PPP1R36: variants seen among roughly 807,000 people sequenced by gnomAD.
The protein encoded by PPP1R36 is chromosome 14 open reading frame 50.
In PPP1R36, 47 loss-of-function variants were observed where a neutral mutation model predicts 53.4. The ratio of observed to expected loss-of-function variants is 0.88; its 90% CI spans 0.70 to 1.12. The LOEUF is 1.12. PPP1R36 is among the 50% of genes most tolerant of loss of function. PPP1R36 has a pLI of 0.00. For missense variants in PPP1R36, 456 were observed against 513.9 expected (o/e 0.89, Z 1.09); for synonymous variants, 153 against 170.5 (o/e 0.90, Z 0.80).
chr14:64,565,525 A>C (rs1370962680), intron 5 of PPP1R36, 71 bp downstream of exon 5: 17 of 1,415,850 alleles, frequency 1.2e-5, no homozygotes, highest in Non-Finnish European at 1.5e-5. Context: ...ATACATAAAC[A>C]TCCGCCCATC....
At chr14:64,574,084 G>A (rs8003734) in intron 7 of PPP1R36, among the ~76,000 whole-genome samples, 116,551 of 152,092 alleles carry the variant, frequency 0.77, 45,001 homozygotes, top group East Asian at 0.86. Context: ...ATTTCTTTCA[G>A]AATAGTTTAT....
At chr14:64,557,749 C>G (rs1312883459) in intron 3 of PPP1R36, among the ~76,000 whole-genome samples, 1 of 152,148 alleles carries the variant, frequency 6.6e-6, no homozygotes, top group East Asian at 1.9e-4. Flanking sequence ...CAGTGGCTCA[C>G]GCCTGTAATC....
At chr14:64,562,792 T>C (rs2080214882) in intron 3 of PPP1R36, among the ~76,000 whole-genome samples, 1 of 152,128 alleles carries the variant, frequency 6.6e-6, no homozygotes, top group Admixed American at 6.6e-5. Flanking sequence ...GACAGCATTA[T>C]ACTAGATGAT....
chr14:64,585,654 G>A (rs2140251028), intron 8 of PPP1R36, among the ~76,000 whole-genome samples: 1 of 152,288 alleles, frequency 6.6e-6, no homozygotes. Flanking sequence ...GGATTGGGAG[G>A]TGGGAGGATT....
chr14:64,583,162 C>T (rs2080403296), intron 8 of PPP1R36, among the ~76,000 whole-genome samples: 1 of 150,966 alleles, frequency 6.6e-6, no homozygotes, highest in Non-Finnish European at 1.5e-5. Context: ...ATCTGCCTGC[C>T]TTGGCTTTCC....
At chr14:64,560,104 A>C (rs1182683264) in intron 3 of PPP1R36, among the ~76,000 whole-genome samples, 2 of 57,966 alleles carry the variant, frequency 3.5e-5, no homozygotes, top group Non-Finnish European at 8.0e-5. Context: ...AATCTGTCAC[A>C]AAAAAAAAAA....
intron 2 of PPP1R36, 32 bp downstream of exon 2, chr14:64,551,017 T>C: frequency 2.8e-6 from 4 of 1,446,870 alleles, no homozygotes; most frequent in Non-Finnish European, 3.8e-6. Flanking sequence ...TTAGAGTTTT[T>C]ATAAAAATTA....
At chr14:64,575,617 G>A (rs898644253) in intron 8 of PPP1R36, among the ~76,000 whole-genome samples, 7 of 150,730 alleles carry the variant, frequency 4.6e-5, no homozygotes, top group African/African-American at 1.5e-4. Flanking sequence ...GATACATACT[G>A]CTAGATTGTT....
At chr14:64,551,108 A>T in intron 2 of PPP1R36, 123 bp downstream of exon 2, 1 of 645,822 alleles carries the variant, frequency 1.5e-6, no homozygotes, top group Non-Finnish European at 2.6e-6. Flanking sequence ...GGAAGGAAAC[A>T]ATCATTTCAG....
At chr14:64,573,740 C>A (rs922975841) in intron 7 of PPP1R36, among the ~76,000 whole-genome samples, 2 of 151,062 alleles carry the variant, frequency 1.3e-5, no homozygotes, top group African/African-American at 4.9e-5. Context: ...TGGTGAAACC[C>A]TGTCTCTACT....
chr14:64,556,767 TGTGTGTG>T (rs2080157584), intron 3 of PPP1R36, among the ~76,000 whole-genome samples: 1 of 147,886 alleles, frequency 6.8e-6, no homozygotes, highest in Non-Finnish European at 1.5e-5. Context: ...AAAAAATGTG[TGTGTGTG>T]TGTGTGTGTG....
At chr14:64,569,860 T>C (rs2080289549) in intron 7 of PPP1R36, among the ~76,000 whole-genome samples, 1 of 151,676 alleles carries the variant, frequency 6.6e-6, no homozygotes, top group African/African-American at 2.4e-5. Context: ...CACCTCAGCC[T>C]CCTGAGTAGC....
chr14:64,564,870 T>C (rs1173115301), intron 4 of PPP1R36, 33 bp downstream of exon 4: 1 of 1,407,922 alleles, frequency 7.1e-7, no homozygotes, highest in African/African-American at 1.4e-5. Flanking sequence ...CCAGAGTTGC[T>C]GATAGCATCT....
chr14:64,566,035 C>T (rs1468411417), intron 6 of PPP1R36, among the ~76,000 whole-genome samples: 2 of 152,090 alleles, frequency 1.3e-5, no homozygotes, highest in Admixed American at 6.6e-5. Context: ...TTTGGGAGGC[C>T]GAGGCAGGTG....
rs759252957 is a variant in PPP1R36, at chr14:64,550,067, G to GT, written c.69+2dup. Reference sequence around the variant, plus strand: ...TGGGCAGACCCCTTACTTGATGGATGTAAGTGCAGCCTTGGTCGCCCCCAT... The same window carrying GT: ...TGGGCAGACCCCTTACTTGATGGATGTTAAGTGCAGCCTTGGTCGCCCCCAT... On this transcript the variant is annotated splice_donor_variant, in intron 1 of 11. Transcript: ENST00000298705. LOFTEE classifies it high-confidence loss of function. The GT allele has an allele frequency of 1.1e-4, 172 of 1,560,258 alleles. 1 individual carries two copies. In the South Asian group the frequency reaches 1.9e-3, roughly 17 times the overall value.
chr14:64,557,543 C>T (rs761641408), intron 3 of PPP1R36, among the ~76,000 whole-genome samples: 3 of 151,974 alleles, frequency 2.0e-5, no homozygotes, highest in Non-Finnish European at 4.4e-5. Flanking sequence ...TTCAAATGTC[C>T]CCTGTTGTCT....
chr14:64,574,486 G>T lies in PPP1R36; in HGVS notation c.565G>T (p.Val189Phe). The change falls in exon 8 of 12, where the codon GTT (valine) becomes TTT (phenylalanine). Residue 189 changes from valine to phenylalanine, a missense_variant. Physicochemically the swap from Val to Phe is conservative, Grantham distance 50 (BLOSUM62 -1). Transcript: ENST00000298705. Reference sequence around the variant, plus strand: ...TGTAGAGAAAAAAGAAATGGAATTGGTTTTAAGTGAATTAGAAGCAGCACA... The same window carrying T: ...TGTAGAGAAAAAAGAAATGGAATTGTTTTTAAGTGAATTAGAAGCAGCACA... ...GLVEKKEMEL[V>F]LSELEAAQRY... The T allele has an allele frequency of 6.2e-7, 1 of 1,613,788 alleles. No individual in the cohort carries two copies. The highest frequency in any genetic ancestry group is 8.5e-7 in the Non-Finnish European group (1 of 1,179,928).
chr14:64,553,140 A>G (rs555335500), intron 3 of PPP1R36, among the ~76,000 whole-genome samples: 1 of 151,980 alleles, frequency 6.6e-6, no homozygotes, highest in South Asian at 2.1e-4. Context: ...TTTTTAGTAG[A>G]GACAGTTTTT....
In PPP1R36 at chr14:64,588,261, C is replaced by A. The variant is rs1302567293; in HGVS notation, c.1048C>A (p.His350Asn). ...DVRFPAEMQK[H>N]VGTLDSVPMP... ...CAGATTCCCAGCCGAGATGCAAAAGCATGTGGGAACTCTGGACTCTGTGCC... is the reference window on the plus strand; with the variant it reads ...CAGATTCCCAGCCGAGATGCAAAAGAATGTGGGAACTCTGGACTCTGTGCC... Residue 350 changes from histidine (H) to asparagine (N), a missense_variant, in exon 11 of 12, where the codon CAT (histidine) becomes AAT (asparagine). Transcript: ENST00000298705. 6 of 1,613,424 alleles carry A rather than the reference C, an allele frequency of 3.7e-6. No individual in the cohort carries two copies. The highest frequency in any genetic ancestry group is 5.1e-6 in the Non-Finnish European group (6 of 1,179,524).
Sources: gnomAD v4.1 joint callset for allele counts (sites outside exome capture counted in the v4.1 genomes callset) on GRCh38, gnomAD v4.1.1 for gene constraint, MANE v1.5 for transcripts, NCBI Gene and HGNC (gene_info 2026-07-23, HGNC 2026-07-21) for gene names.